The following HYDIN variants were observed in gnomAD, a reference collection of about 807,000 sequenced individuals.
HYDIN encodes the protein HYDIN axonemal central pair apparatus protein.
In HYDIN, 132 loss-of-function variants were observed where a neutral mutation model predicts 403.9. The observed-to-expected ratio is 0.33, with a 90% CI of 0.28 to 0.38. The LOEUF is 0.38. HYDIN is among the 10% of genes least tolerant of loss of function. The pLI, the probability that HYDIN is intolerant of heterozygous loss-of-function variation, is 1.00. For missense variants in HYDIN, 2,827 were observed against 5,009.5 expected (o/e 0.56, Z 13.15); for synonymous variants, 1,202 against 1,891.7 (o/e 0.64, Z 9.46).
At chr16:70,967,768 G>C (rs1265377268) in intron 36 of HYDIN, among the ~76,000 whole-genome samples, 1 of 151,190 alleles carries the variant, frequency 6.6e-6, no homozygotes, top group African/African-American at 2.4e-5. Flanking sequence ...ATTTTTTTTT[G>C]TAGAGATAGG....
At chr16:71,152,831 G>A (rs781311314) in intron 6 of HYDIN, 48 bp from the exon 7 acceptor site, 14 of 1,585,154 alleles carry the variant, frequency 8.8e-6, no homozygotes, top group Non-Finnish European at 1.1e-5. Context: ...TCTGACTAGT[G>A]TGAGACGGGG....
chr16:70,829,792 C>T lies in HYDIN; in HGVS notation c.13938G>A (p.Thr4646=), dbSNP rs558557160. ...NFTCQVRSKH[T]QTILLSNRTN... is the part of the protein sequence containing the mutation. ...TGCGGTTTGACAGCAGGATGGTCTG[C>T]GTGTGCTTGGAGCGCACCTGGCACG... The change falls in exon 81 of 86, where the codon ACG becomes ACA. Residue 4646 remains threonine (T), a synonymous_variant. Coordinates refer to ENST00000393567, the MANE Select transcript of HYDIN (RefSeq NM_001270974.2). 165 of 1,614,022 alleles carry T rather than the reference C, an allele frequency of 1.0e-4. No homozygotes were observed. The Middle Eastern group carries it at 1.5e-3, about 15-fold the overall frequency.
Position 71,093,810 on chromosome 16 carries a change from T to C in HYDIN, c.1446+7A>G. On this transcript the variant is annotated splice_region_variant and intron_variant, in intron 11 of 85. Coordinates refer to ENST00000393567, the MANE Select transcript of HYDIN (RefSeq NM_001270974.2). ...TTGAAGTATCAACGAACAACTCTAG[T>C]GCTTACCTCATAACAATGTGCAGAT... The C allele has an allele frequency of 6.2e-7, 1 of 1,612,586 alleles. No individual in the cohort carries two copies. The highest frequency in any genetic ancestry group is 8.5e-7 in the Non-Finnish European group (1 of 1,179,164).
chr16:71,045,548 C>T (rs1413084320), intron 18 of HYDIN, among the ~76,000 whole-genome samples: 1 of 149,814 alleles, frequency 6.7e-6, no homozygotes, highest in Non-Finnish European at 1.5e-5. Flanking sequence ...AGCTTAGCAT[C>T]CTTGAACAAA....
intron 23 of HYDIN, among the ~76,000 whole-genome samples, chr16:70,995,967 A>T (rs2079519561): frequency 6.7e-6 from 1 of 150,158 alleles, no homozygotes; most frequent in Non-Finnish European, 1.5e-5. Flanking sequence ...CCTCTGGAGC[A>T]TTGCCCTGGC....
At chr16:71,138,650 G>C (rs2085033795) in intron 7 of HYDIN, among the ~76,000 whole-genome samples, 1 of 151,996 alleles carries the variant, frequency 6.6e-6, no homozygotes, top group Non-Finnish European at 1.5e-5. Context: ...TGAGTGAAAT[G>C]TAACAATCTG....
Position 70,862,191 on chromosome 16 carries a change from G to A in HYDIN, c.11634C>T (p.Thr3878=), listed in dbSNP as rs1293735641. ...GGGAACCCTCGGCCCAGTGGTCCAT[G>A]GTGCTGTCCAGGGTGCTGCCTGTAT... ...TMHTGSTLDS[T]MDHWAEGSPQ... is the part of the protein sequence containing the mutation. Residue 3878 remains threonine (T), a synonymous_variant, in exon 69 of 86, where the codon ACC becomes ACT. Coordinates refer to ENST00000393567, the MANE Select transcript of HYDIN (RefSeq NM_001270974.2). 6.2e-7 allele frequency: 1 copy of A among 1,613,572 alleles called. No individual in the cohort carries two copies. The highest frequency in any genetic ancestry group is 8.5e-7 in the Non-Finnish European group (1 of 1,179,928).
rs1286825867 is a variant in HYDIN at position 71,085,085 on chromosome 16, G to T, written c.1670+3216C>A. ...TCTTTTCTTGTAATGTTTTCATTTG[G>T]TTTTGGTATCAGGGTAATACTGGCC... is the stretch of plus-strand genomic sequence containing the variant. On this transcript the variant is annotated intron_variant, in intron 12 of 85. Transcript: ENST00000393567. 3.0e-5 allele frequency among the ~76,000 whole-genome samples: 3 copies of T among 100,302 alleles called. No individual in the cohort carries two copies. The Admixed American group carries it at 3.6e-4, about 12-fold the overall frequency. 65.8% of individuals were successfully genotyped at this position (100,302 alleles called of 152,430 possible).
At chr16:71,186,423 T>C (rs2087153233) in intron 2 of HYDIN, among the ~76,000 whole-genome samples, 1 of 152,174 alleles carries the variant, frequency 6.6e-6, no homozygotes, top group Non-Finnish European at 1.5e-5. Flanking sequence ...GGTTGAATCC[T>C]ATGAAATTCT....
chr16:70,965,965 T>C (rs894387524), intron 36 of HYDIN, among the ~76,000 whole-genome samples: 11 of 152,232 alleles, frequency 7.2e-5, no homozygotes, highest in Non-Finnish European at 1.5e-4. Context: ...GACCCATTTA[T>C]TTATGGAACT....
chr16:71,161,425 G>T (rs2144601929), intron 6 of HYDIN, among the ~76,000 whole-genome samples: 1 of 152,322 alleles, frequency 6.6e-6, no homozygotes, highest in Non-Finnish European at 1.5e-5. Flanking sequence ...CCCGGGGGTT[G>T]GGGACACCTG....
intron 28 of HYDIN, among the ~76,000 whole-genome samples, chr16:70,984,656 A>G (rs1173005540): frequency 6.9e-6 from 1 of 144,078 alleles, no homozygotes; most frequent in Admixed American, 7.1e-5. Context: ...AAGATTATGA[A>G]TAATTACACT....
At position 70,894,454 on chromosome 16, in the gene HYDIN, C is replaced by T. The variant is rs201241516; in HGVS notation, c.9243G>A (p.Ala3081=). 8,830 of 1,596,954 alleles carry T rather than the reference C, an allele frequency of 5.5e-3. 29 individuals carry two copies. Among genetic ancestry groups the T allele is most frequent in the Non-Finnish European group, 6.7e-3 (7,847 of 1,173,916 alleles). ...TCTGATGGGATTCCAGTTACCTGAACGCGATCTCATATTTCCCACGGTTCT... is the reference window on the plus strand; with the variant it reads ...TCTGATGGGATTCCAGTTACCTGAATGCGATCTCATATTTCCCACGGTTCT... ...QLKNRGKYEI[A]FSFSVDSVGI... Residue 3081 remains alanine, a synonymous_variant, in exon 55 of 86, where the codon GCG becomes GCA. Coordinates refer to ENST00000393567, the MANE Select transcript of HYDIN (RefSeq NM_001270974.2).
intron 7 of HYDIN, among the ~76,000 whole-genome samples, chr16:71,143,445 C>T (rs1206951247): frequency 6.6e-6 from 1 of 152,174 alleles, no homozygotes; most frequent in Non-Finnish European, 1.5e-5. Flanking sequence ...TATCTCACTT[C>T]CCTAAACATT....
At chr16:70,820,574 C>T (rs2143466538) in intron 83 of HYDIN, among the ~76,000 whole-genome samples, 1 of 150,862 alleles carries the variant, frequency 6.6e-6, no homozygotes, top group East Asian at 2.0e-4. Flanking sequence ...TTGTTACTTT[C>T]CTGCTTTCGT....
intron 10 of HYDIN, among the ~76,000 whole-genome samples, chr16:71,112,623 C>T (rs552788403): frequency 6.6e-6 from 1 of 151,608 alleles, no homozygotes; most frequent in Admixed American, 6.6e-5. Context: ...TAGGGACATT[C>T]TTTGAGTGAC....
intron 80 of HYDIN, among the ~76,000 whole-genome samples, chr16:70,831,579 T>C (rs981934131): frequency 5.3e-5 from 5 of 93,634 alleles, no homozygotes; most frequent in African/African-American, 2.2e-4. Flanking sequence ...GAGAAGCCGG[T>C]GAGTAGGAAG....
chr16:70,858,778 T>G (rs2039193778), intron 71 of HYDIN, among the ~76,000 whole-genome samples: 1 of 152,226 alleles, frequency 6.6e-6, no homozygotes, highest in Non-Finnish European at 1.5e-5. Flanking sequence ...AGCTCACATT[T>G]GAAACATTTC....
At chr16:71,180,299 G>T (rs905895347) in intron 3 of HYDIN, among the ~76,000 whole-genome samples, 1 of 151,930 alleles carries the variant, frequency 6.6e-6, no homozygotes, top group African/African-American at 2.4e-5. Flanking sequence ...CAATAAAAAT[G>T]TATCAAAACT....
Sources: gnomAD v4.1 joint callset for allele counts (sites outside exome capture counted in the v4.1 genomes callset) on GRCh38, gnomAD v4.1.1 for gene constraint, MANE v1.5 for transcripts, NCBI Gene and HGNC (gene_info 2026-07-23, HGNC 2026-07-21) for gene names.